MYO3B: variants seen among roughly 807,000 people sequenced by gnomAD.
MYO3B encodes the protein myosin IIIB.
A neutral mutation model predicts 174.6 loss-of-function variants in MYO3B; 156 were observed. The ratio of observed to expected loss-of-function variants is 0.89; its 90% CI spans 0.78 to 1.02. The LOEUF is 1.02. Ranked by LOEUF, MYO3B falls within the 50% of genes least tolerant of loss-of-function variation. The pLI is 0.00. For synonymous variants in MYO3B, 563 were observed against 569.1 expected, an observed-to-expected ratio of 0.99 and a Z score of 0.15; for missense variants, 1,632 against 1,639.4, an observed-to-expected ratio of 1.00 and a Z score of 0.08.
At chr2:170,183,040 G>T (rs1272606383) in intron 1 of MYO3B, among the ~76,000 whole-genome samples, 2 of 152,058 alleles carry the variant, frequency 1.3e-5, no homozygotes, top group African/African-American at 4.8e-5. Context: ...TGGATTGCCT[G>T]AGCTCAGGAG....
intron 32 of MYO3B, among the ~76,000 whole-genome samples, chr2:170,632,810 T>G (rs13427368): frequency 0.33 from 49,889 of 151,486 alleles, 10,102 homozygotes; most frequent in East Asian, 0.59. Flanking sequence ...ATATCACCAC[T>G]GATCCCACAG....
chr2:170,296,854 G>A (rs2093631860), intron 7 of MYO3B, among the ~76,000 whole-genome samples: 1 of 151,874 alleles, frequency 6.6e-6, no homozygotes, highest in African/African-American at 2.4e-5. Context: ...TAGCCAGAGT[G>A]GGGACAAAAG....
intron 9 of MYO3B, among the ~76,000 whole-genome samples, chr2:170,374,731 C>T (rs1303153096): frequency 7.1e-6 from 1 of 140,236 alleles, no homozygotes; most frequent in Non-Finnish European, 1.5e-5. Context: ...CCCTATTTCA[C>T]TCTCTCTATA....
chr2:170,276,557 T>A (rs2093465246), intron 7 of MYO3B, among the ~76,000 whole-genome samples: 1 of 152,202 alleles, frequency 6.6e-6, no homozygotes, highest in South Asian at 2.1e-4. Context: ...ATTAATAGAT[T>A]GTAAATTAGG....
At chr2:170,641,022 T>G (rs1434652922) in intron 32 of MYO3B, 1 of 152,216 alleles carries the variant, frequency 6.6e-6, no homozygotes, top group Non-Finnish European at 1.5e-5. Flanking sequence ...TGCTAATTTT[T>G]AAAACAGGCA....
At chr2:170,191,410 T>C (rs1439599926) in intron 1 of MYO3B, among the ~76,000 whole-genome samples, 1 of 152,056 alleles carries the variant, frequency 6.6e-6, no homozygotes, top group African/African-American at 2.4e-5. Context: ...TGCCCAGGAA[T>C]TGCAGTCTTT....
At chr2:170,308,640 A>G (rs2093716992) in intron 7 of MYO3B, among the ~76,000 whole-genome samples, 1 of 151,896 alleles carries the variant, frequency 6.6e-6, no homozygotes, top group African/African-American at 2.4e-5. Context: ...TGTTGATTTA[A>G]TTTCTCATCT....
At chr2:170,205,959 G>A (rs2092709961) in intron 3 of MYO3B, among the ~76,000 whole-genome samples, 1 of 151,916 alleles carries the variant, frequency 6.6e-6, no homozygotes, top group South Asian at 2.1e-4. Context: ...TATATTATAT[G>A]GGTAGTATAC....
chr2:170,611,639 T>A (rs1695133382), intron 32 of MYO3B, among the ~76,000 whole-genome samples: 1 of 152,196 alleles, frequency 6.6e-6, no homozygotes. Flanking sequence ...AGCCTCCTAC[T>A]ACTGCATTCA....
chr2:170,506,333 C>A (rs1050870571), intron 28 of MYO3B, among the ~76,000 whole-genome samples: 1 of 152,222 alleles, frequency 6.6e-6, no homozygotes, highest in Non-Finnish European at 1.5e-5. Flanking sequence ...TTTCTCCTAG[C>A]CTTTTCAAAA....
At chr2:170,438,293 TATGTATATATCA>T (rs1343442537) in intron 22 of MYO3B, among the ~76,000 whole-genome samples, 1 of 152,230 alleles carries the variant, frequency 6.6e-6, no homozygotes, top group African/African-American at 2.4e-5. Context: ...TATTCAATTG[TATGTATATATCA>T]AATGTTCTTT....
chr2:170,489,019 G>A lies in MYO3B; in HGVS notation c.3015-9573G>A, dbSNP rs370068671. Among the ~76,000 whole-genome samples the A allele has an allele frequency of 4.6e-5, 7 of 152,198 alleles. No homozygotes were observed. The South Asian group carries it at 1.5e-3, about 32-fold the overall frequency. The stretch of plus-strand genomic sequence containing the variant: ...TGTAAACACTCATGAGTTCCAATGA[G>A]GTGAAAGGTGCTGGAGCATCAGAAG... On this transcript the variant is annotated intron_variant, in intron 25 of 34. Transcript: ENST00000408978.
intron 7 of MYO3B, among the ~76,000 whole-genome samples, chr2:170,330,362 T>C (rs1319565324): frequency 2.6e-5 from 4 of 152,208 alleles, no homozygotes; most frequent in Admixed American, 6.5e-5. Context: ...CTTCACGAGA[T>C]AAAATACAGA....
At chr2:170,612,584 G>A (rs899318558) in intron 32 of MYO3B, among the ~76,000 whole-genome samples, 1 of 152,130 alleles carries the variant, frequency 6.6e-6, no homozygotes, top group Non-Finnish European at 1.5e-5. Context: ...AAAATCAAAT[G>A]AGCAACAAGG....
chr2:170,583,969 C>T (rs1693330162), intron 32 of MYO3B, among the ~76,000 whole-genome samples: 1 of 152,174 alleles, frequency 6.6e-6, no homozygotes, highest in African/African-American at 2.4e-5. Context: ...TCAAGATAAC[C>T]TGGCAAAGAG....
intron 7 of MYO3B, among the ~76,000 whole-genome samples, chr2:170,308,010 T>C (rs1229838185): frequency 6.6e-6 from 1 of 152,192 alleles, no homozygotes; most frequent in African/African-American, 2.4e-5. Context: ...GAATGATTTA[T>C]CTCAACTGAG....
chr2:170,553,481 A>G (rs1281091513), intron 32 of MYO3B, among the ~76,000 whole-genome samples: 2 of 152,084 alleles, frequency 1.3e-5, no homozygotes, highest in Non-Finnish European at 2.9e-5. Flanking sequence ...TATTTTGTCC[A>G]ATTTCTTCCT....
intron 32 of MYO3B, among the ~76,000 whole-genome samples, chr2:170,611,633 T>G (rs1372331555): frequency 6.6e-6 from 1 of 152,182 alleles, no homozygotes; most frequent in Non-Finnish European, 1.5e-5. Context: ...TTCAAAAGCC[T>G]CCTACTACTG....
chr2:170,366,504 G>C (rs1303479514), intron 8 of MYO3B, among the ~76,000 whole-genome samples: 1 of 151,818 alleles, frequency 6.6e-6, no homozygotes, highest in East Asian at 1.9e-4. Flanking sequence ...ATGTTGCTCA[G>C]GCTTCTCTTG....
Sources: gnomAD v4.1 joint callset for allele counts (sites outside exome capture counted in the v4.1 genomes callset) on GRCh38, gnomAD v4.1.1 for gene constraint, MANE v1.5 for transcripts, NCBI Gene and HGNC (gene_info 2026-07-23, HGNC 2026-07-21) for gene names.